Variants in ANO10 observed in about 807,000 individuals in gnomAD.
The protein encoded by ANO10 is anoctamin-10.
In ANO10, 77 loss-of-function variants were observed where a neutral mutation model predicts 74.7. The ratio of observed to expected loss-of-function variants is 1.03; its 90% CI spans 0.86 to 1.25. The LOEUF (loss-of-function observed/expected upper bound fraction) is 1.25, where lower values mean the gene tolerates loss of function less well. Ranked by LOEUF, ANO10 falls within the 50% of genes most tolerant of loss-of-function variation. ANO10 has a pLI of 0.00. For missense variants in ANO10, 721 were observed against 778.1 expected (o/e 0.93, Z 0.87); for synonymous variants, 279 against 284.9 (o/e 0.98, Z 0.21).
chr3:43,623,538 G>T (rs1013050294), upstream of ANO10, among the ~76,000 whole-genome samples: 1 of 152,186 alleles, frequency 6.6e-6, no homozygotes, highest in African/African-American at 2.4e-5. Flanking sequence ...ATTCTGAAAT[G>T]AAAAATTTAA....
intron 12 of ANO10, among the ~76,000 whole-genome samples, chr3:43,367,960 TCC>T (rs1233238319): frequency 6.6e-6 from 1 of 152,178 alleles, no homozygotes; most frequent in African/African-American, 2.4e-5. Context: ...AATACCATGC[TCC>T]CTGTGGCTTT....
Position 43,600,396 on chromosome 3 carries a change from T to C in ANO10, c.325A>G (p.Lys109Glu). The C allele has an allele frequency of 6.2e-7, 1 of 1,614,058 alleles. No homozygotes were observed. Among genetic ancestry groups the C allele is most frequent in the East Asian group, 2.2e-5 (1 of 44,870 alleles). Residue 109 changes from lysine (K) to glutamate (E), a missense_variant, in exon 3 of 13, where the codon AAA becomes GAA. Physicochemically the swap from Lys to Glu is moderately conservative, Grantham distance 56. Coordinates refer to ENST00000292246, the MANE Select transcript of ANO10 (RefSeq NM_018075.5). ...ACTTAGGGCTTACCATCAAAACCTT[T>C]GAAGTTCTGTCTGGTTCTGTATGTG... The part of the protein sequence containing the change: ...AFTYRTRQNF[K>E]GFDDNNDDFL...
At chr3:43,368,909 C>T (rs2091506064) in intron 12 of ANO10, among the ~76,000 whole-genome samples, 1 of 152,210 alleles carries the variant, frequency 6.6e-6, no homozygotes, top group Admixed American at 6.5e-5. Context: ...CGGAATCTTG[C>T]AGCCACATTT....
chr3:43,481,383 G>A (rs2076263530), intron 11 of ANO10, among the ~76,000 whole-genome samples: 1 of 152,158 alleles, frequency 6.6e-6, no homozygotes, highest in Admixed American at 6.5e-5. Flanking sequence ...TACTAAGACT[G>A]ATACTCAATT....
chr3:43,386,739 A>C (rs1398856578), intron 12 of ANO10, among the ~76,000 whole-genome samples: 1 of 151,040 alleles, frequency 6.6e-6, no homozygotes, highest in African/African-American at 2.4e-5. Context: ...AGCAGGGGTC[A>C]TGCCTGGGCT....
At chr3:43,445,122 CAAAAA>C (rs10689478) in intron 11 of ANO10, among the ~76,000 whole-genome samples, 1 of 91,534 alleles carries the variant, frequency 1.1e-5, no homozygotes, top group Admixed American at 1.3e-4. Flanking sequence ...GACTTTGCCT[CAAAAA>C]AAAAAAAAAA....
chr3:43,619,083 C>T (rs1017985814), intron 1 of ANO10, among the ~76,000 whole-genome samples: 1 of 152,220 alleles, frequency 6.6e-6, no homozygotes, highest in South Asian at 2.1e-4. Context: ...GGATTACAGG[C>T]GTGAGCCACC....
chr3:43,550,178 G>A (rs2079395211), intron 10 of ANO10, among the ~76,000 whole-genome samples: 1 of 152,122 alleles, frequency 6.6e-6, no homozygotes, highest in African/African-American at 2.4e-5. Flanking sequence ...AGGGCTGCCA[G>A]GGAAAAATGT....
intron 4 of ANO10, among the ~76,000 whole-genome samples, chr3:43,584,882 G>A (rs550982847): frequency 3.4e-4 from 51 of 152,212 alleles, no homozygotes; most frequent in African/African-American, 1.2e-3. Context: ...TGAAAGCCCT[G>A]GCCACCTTTC....
At chr3:43,667,442 G>T (rs771860276) in intron 1 of ANO10, among the ~76,000 whole-genome samples, 13 of 152,080 alleles carry the variant, frequency 8.5e-5, no homozygotes, top group African/African-American at 2.2e-4. Context: ...AAAATTTTTT[G>T]ATTTGTATTT....
rs1041642403 is a variant in ANO10 at position 43,516,650 on chromosome 3, A to G, written c.1797+33070T>C. On this transcript the variant is annotated intron_variant, in intron 11 of 12. Transcript: ENST00000292246. ...GGATAGTAGTGAGGTGCTTACTGAA[A>G]TACTCCAAATAAGACATGACAGCAG... 3.3e-5 allele frequency among the ~76,000 whole-genome samples: 5 copies of G among 152,212 alleles called. No homozygotes were observed. In the East Asian group the frequency reaches 9.6e-4, roughly 29 times the overall value.
At chr3:43,647,153 A>ATGTGTGTGTGTG (rs57290936) in intron 1 of ANO10, among the ~76,000 whole-genome samples, 1,986 of 141,856 alleles carry the variant, frequency 0.014, 29 homozygotes, top group South Asian at 0.026. Context: ...ATGTGTATAT[A>ATGTGTGTGTGTG]TGTGTGTGTG....
chr3:43,685,124 C>T (rs2084258951), intron 1 of ANO10, among the ~76,000 whole-genome samples: 1 of 152,204 alleles, frequency 6.6e-6, no homozygotes, highest in Non-Finnish European at 1.5e-5. Context: ...TCTAAGTCAT[C>T]AAATTTATTG....
intron 11 of ANO10, among the ~76,000 whole-genome samples, chr3:43,448,046 T>C (rs2093274567): frequency 1.3e-5 from 2 of 152,156 alleles, no homozygotes; most frequent in African/African-American, 2.4e-5. Flanking sequence ...GGAGCGACAA[T>C]GATGGGATAG....
Position 43,600,414 on chromosome 3 carries a change from T to C in ANO10, c.307A>G (p.Arg103Gly), listed in dbSNP as rs186982098. The change falls in exon 3 of 13, where the codon AGA (arginine) becomes GGA (glycine). Residue 103 changes from arginine (R) to glycine (G), a missense_variant. Physicochemically the swap from Arg to Gly is moderately radical, Grantham distance 125. Coordinates refer to ENST00000292246, the MANE Select transcript of ANO10 (RefSeq NM_018075.5). The part of the protein sequence containing the change: ...NDNTMRAFTY[R>G]TRQNFKGFDD... ...AAACCTTTGAAGTTCTGTCTGGTTCTGTATGTGAAGGCTCTCATGGTGTTA... is the reference window on the plus strand; with the variant it reads ...AAACCTTTGAAGTTCTGTCTGGTTCCGTATGTGAAGGCTCTCATGGTGTTA... The C allele has an allele frequency of 6.2e-7, 1 of 1,614,106 alleles. No homozygotes were observed. Among genetic ancestry groups the C allele is most frequent in the African/African-American group, 1.3e-5 (1 of 75,058 alleles).
intron 5 of ANO10, 42 bp downstream of exon 5, chr3:43,580,311 G>A (rs781118336): frequency 1.8e-5 from 29 of 1,612,354 alleles, no homozygotes; most frequent in African/African-American, 8.0e-5. Context: ...CTTTTCATCA[G>A]AGGCCTTCCT....
intron 12 of ANO10, among the ~76,000 whole-genome samples, chr3:43,374,171 T>G (rs892762158): frequency 3.9e-5 from 6 of 152,226 alleles, no homozygotes; most frequent in Admixed American, 3.9e-4. Context: ...GCCAGGTTCA[T>G]GCCAATCTTG....
chr3:43,423,506 A>C (rs1462349662), intron 12 of ANO10, among the ~76,000 whole-genome samples: 1 of 152,158 alleles, frequency 6.6e-6, no homozygotes, highest in Non-Finnish European at 1.5e-5. Context: ...TAGTGGGGCA[A>C]ATGAACAGAA....
intron 12 of ANO10, among the ~76,000 whole-genome samples, chr3:43,404,876 CAAAAAAAAA>C (rs3048939): frequency 2.5e-5 from 2 of 81,398 alleles, no homozygotes; most frequent in Non-Finnish European, 4.6e-5. Context: ...GAACCTGTCT[CAAAAAAAAA>C]AAAAAAAAAA....
Sources: gnomAD v4.1 joint callset for allele counts (sites outside exome capture counted in the v4.1 genomes callset) on GRCh38, gnomAD v4.1.1 for gene constraint, MANE v1.5 for transcripts, NCBI Gene and HGNC (gene_info 2026-07-23, HGNC 2026-07-21) for gene names.